The following BMPR1A variants were observed in gnomAD, a reference collection of about 807,000 sequenced individuals.
BMPR1A encodes bone morphogenetic protein receptor type 1A, also known as bone morphogenetic protein receptor type-1A.
BMPR1A carries 7 observed loss-of-function variants against 66.0 expected under a neutral mutation model. The observed-to-expected ratio is 0.11, with a 90% CI of 0.06 to 0.20. The LOEUF is 0.20. BMPR1A is among the 10% of genes least tolerant of loss of function. The pLI is 1.00. For missense variants in BMPR1A, 408 were observed against 669.1 expected (o/e 0.61, Z 4.31); for synonymous variants, 200 against 229.7 (o/e 0.87, Z 1.17).
chr10:86,797,546 A>G (rs1204351794), intron 1 of BMPR1A, among the ~76,000 whole-genome samples: 1 of 151,834 alleles, frequency 6.6e-6, no homozygotes, highest in Non-Finnish European at 1.5e-5. Flanking sequence ...TTGTATTTTT[A>G]GTAGAGACGA....
intron 9 of BMPR1A, among the ~76,000 whole-genome samples, chr10:86,918,622 C>A (rs1380726025): frequency 6.7e-6 from 1 of 148,426 alleles, no homozygotes; most frequent in Non-Finnish European, 1.5e-5. Flanking sequence ...CTTTCCTTTT[C>A]TTTTCTTTTT....
intron 5 of BMPR1A, among the ~76,000 whole-genome samples, chr10:86,893,039 C>T (rs1240186): frequency 0.038 from 5,716 of 151,770 alleles, 142 homozygotes; most frequent in Non-Finnish European, 0.055. Flanking sequence ...AATTTAAGTT[C>T]CAGGTTATTT....
chr10:86,885,434 C>T (rs1245300614), intron 3 of BMPR1A, among the ~76,000 whole-genome samples: 1 of 152,216 alleles, frequency 6.6e-6, no homozygotes, highest in Non-Finnish European at 1.5e-5. Flanking sequence ...TATATCTCTG[C>T]TGTCTTGTGT....
intron 7 of BMPR1A, among the ~76,000 whole-genome samples, chr10:86,911,154 CAAAAA>C (rs35449069): frequency 2.4e-5 from 2 of 82,870 alleles, no homozygotes; most frequent in African/African-American, 4.4e-5. Flanking sequence ...GACCCTGTCT[CAAAAA>C]AAAAAAAAAA....
At chr10:86,822,065 C>T (rs1233437631) in intron 1 of BMPR1A, among the ~76,000 whole-genome samples, 4 of 152,090 alleles carry the variant, frequency 2.6e-5, no homozygotes, top group Non-Finnish European at 4.4e-5. Flanking sequence ...TGGGCTCAAG[C>T]GATCCACCCA....
At chr10:86,792,102 TCTGTTGCTAGG>T (rs1841636665) in intron 1 of BMPR1A, among the ~76,000 whole-genome samples, 1 of 138,796 alleles carries the variant, frequency 7.2e-6, no homozygotes, top group Non-Finnish European at 1.5e-5. Flanking sequence ...GGACTCTTAC[TCTGTTGCTAGG>T]CTGGAGTGCT....
intron 5 of BMPR1A, 77 bp downstream of exon 5, chr10:86,892,306 A>ATGCC: frequency 8.7e-7 from 1 of 1,148,690 alleles, no homozygotes; most frequent in Non-Finnish European, 1.3e-6. Flanking sequence ...CAGGAGAAAC[A>ATGCC]TGCCTGGTGT....
At chr10:86,904,658 G>A (rs1843359869) in intron 7 of BMPR1A, among the ~76,000 whole-genome samples, 1 of 152,142 alleles carries the variant, frequency 6.6e-6, no homozygotes, top group South Asian at 2.1e-4. Flanking sequence ...ATAAAAGAAT[G>A]AAGATCCGGA....
intron 1 of BMPR1A, among the ~76,000 whole-genome samples, chr10:86,780,469 C>G (rs1248700918): frequency 6.6e-6 from 1 of 151,970 alleles, no homozygotes; most frequent in Non-Finnish European, 1.5e-5. Context: ...GAGTCTTGCT[C>G]TGTCGCTCAG....
At chr10:86,884,152 AC>A (rs1167145910) in intron 3 of BMPR1A, among the ~76,000 whole-genome samples, 1 of 150,698 alleles carries the variant, frequency 6.6e-6, no homozygotes, top group Non-Finnish European at 1.5e-5. Flanking sequence ...ACAGGCCTGA[AC>A]CACCATTCCC....
In BMPR1A at chr10:86,925,693, T is replaced by TA. The variant is rs148180799; in HGVS notation, c.*1975dup. On this transcript the variant is annotated 3_prime_UTR_variant, in exon 13 of 13. Coordinates refer to ENST00000372037, the MANE Select transcript of BMPR1A (RefSeq NM_004329.3). ...AAATCTTGGTTTACTTTTGACTTGA[T>TA]ACCATAATCTTTAAAATCATTTGTC... 4,276 of 182,100 alleles carry TA rather than the reference T, an allele frequency of 0.023. 95 individuals are homozygous for TA. Among genetic ancestry groups the TA allele is most frequent in the Non-Finnish European group, 0.034 (2,909 of 86,236 alleles). The allele number at this position is 182,100 out of a possible 1,614,324, so 11.3% of individuals were successfully genotyped here. A position where few individuals can be genotyped will look rare whatever the true frequency, so the allele number is the denominator to read the frequency against.
chr10:86,791,690 TCCC>T lies in BMPR1A; in HGVS notation c.-268+34772_-268+34774del, dbSNP rs1841623712. ...TTTCTTTCCTTCTTTACTTCCTTCC[TCCC>T]TCCCTCCCTCCCTCCCTCCCTTCCT... On this transcript the variant is annotated intron_variant, in intron 1 of 12. Transcript: ENST00000372037. Among the ~76,000 whole-genome samples, 61 of 87,094 alleles carry T rather than the reference TCCC, an allele frequency of 7.0e-4. 1 individual carries two copies. Among genetic ancestry groups the T allele is most frequent in the Middle Eastern group, 4.6e-3 (1 of 216 alleles). The allele number at this position is 87,094 out of a possible 152,430, so 57.1% of individuals were successfully genotyped here.
intron 5 of BMPR1A, among the ~76,000 whole-genome samples, chr10:86,896,096 G>A (rs56098758): frequency 6.6e-6 from 1 of 151,976 alleles, no homozygotes; most frequent in Non-Finnish European, 1.5e-5. Flanking sequence ...GGAGGTTGCA[G>A]TGAGCCGAGA....
Position 86,890,147 on chromosome 10 carries a change from A to C in BMPR1A, c.153A>C (p.Ala51=). ...AGTCAGAAAATGGAGTAACCTTAGC[A>C]CCAGAGGATACCTTGCCTTTTTTAA... ...QKKSENGVTL[A]PEDTLPFLKC... is the part of the protein sequence containing the mutation. The change falls in exon 4 of 13, where the codon GCA becomes GCC. Residue 51 remains alanine, a synonymous_variant. Transcript: ENST00000372037. The C allele has an allele frequency of 6.2e-7, 1 of 1,614,142 alleles. No homozygotes were observed. The highest frequency in any genetic ancestry group is 8.5e-7 in the Non-Finnish European group (1 of 1,180,012).
chr10:86,802,520 C>G (rs1257280254), intron 1 of BMPR1A, among the ~76,000 whole-genome samples: 1 of 151,882 alleles, frequency 6.6e-6, no homozygotes, highest in Non-Finnish European at 1.5e-5. Context: ...CGTGGGATGT[C>G]ACATTCAAAT....
chr10:86,826,711 A>G (rs971796222), intron 1 of BMPR1A, among the ~76,000 whole-genome samples: 1 of 151,982 alleles, frequency 6.6e-6, no homozygotes, highest in African/African-American at 2.4e-5. Flanking sequence ...TTTCCGCTGT[A>G]TAATAGTTTA....
At chr10:86,805,329 C>G (rs1564690581) in intron 1 of BMPR1A, among the ~76,000 whole-genome samples, 1 of 149,674 alleles carries the variant, frequency 6.7e-6, no homozygotes, top group East Asian at 2.0e-4. Flanking sequence ...TAACATTTTC[C>G]CATATTTGCA....
At chr10:86,874,468 C>T (rs930741591) in intron 2 of BMPR1A, among the ~76,000 whole-genome samples, 2 of 152,274 alleles carry the variant, frequency 1.3e-5, no homozygotes, top group East Asian at 3.9e-4. Flanking sequence ...TGCAGTGGCG[C>T]AGTCTCAGCT....
intron 2 of BMPR1A, among the ~76,000 whole-genome samples, chr10:86,844,186 C>T (rs1358254903): frequency 6.6e-6 from 1 of 152,052 alleles, no homozygotes; most frequent in African/African-American, 2.4e-5. Context: ...ATTTTTCCAG[C>T]CTTAACATAT....
Sources: gnomAD v4.1 joint callset for allele counts (sites outside exome capture counted in the v4.1 genomes callset) on GRCh38, gnomAD v4.1.1 for gene constraint, MANE v1.5 for transcripts, NCBI Gene and HGNC (gene_info 2026-07-23, HGNC 2026-07-21) for gene names.